PDE1C: variants seen among roughly 807,000 people sequenced by gnomAD.
The protein encoded by PDE1C is dual specificity calcium/calmodulin-dependent 3',5'-cyclic nucleotide phosphodiesterase 1C.
PDE1C carries 62 observed loss-of-function variants against 93.1 expected under a neutral mutation model. The observed-to-expected ratio is 0.67, with a 90% CI of 0.54 to 0.82. The LOEUF is 0.82. Ranked by LOEUF, PDE1C falls within the 40% of genes least tolerant of loss-of-function variation. PDE1C has a pLI of 0.00. For synonymous variants in PDE1C, 325 were observed against 310.1 expected (o/e 1.05, Z -0.50); for missense variants, 742 against 884.6 (o/e 0.84, Z 2.04).
chr7:31,827,396 C>T (rs937255274), intron 12 of PDE1C, among the ~76,000 whole-genome samples: 1 of 152,068 alleles, frequency 6.6e-6, no homozygotes, highest in African/African-American at 2.4e-5. Flanking sequence ...CTGTTGTGTA[C>T]CTTATCGTAC....
the PDE1C span, among the ~76,000 whole-genome samples, chr7:31,633,086 C>T: frequency 2.0e-5 from 3 of 152,122 alleles, no homozygotes; most frequent in Non-Finnish European, 4.4e-5. Flanking sequence ...AGGGTTTCAC[C>T]ATGTTGGCCA....
At chr7:31,834,566 C>T (rs1485647768) in intron 11 of PDE1C, among the ~76,000 whole-genome samples, 1 of 152,064 alleles carries the variant, frequency 6.6e-6, no homozygotes, top group African/African-American at 2.4e-5. Context: ...TAAGATTTGA[C>T]TGCCATGCTG....
At chr7:32,046,180 T>C (rs1450170535) in intron 2 of PDE1C, among the ~76,000 whole-genome samples, 1 of 151,322 alleles carries the variant, frequency 6.6e-6, no homozygotes, top group Non-Finnish European at 1.5e-5. Flanking sequence ...CTTCCTAATG[T>C]CTAGAATATT....
At chr7:32,410,952 G>C (rs1029369250) in intron 1 of PDE1C, among the ~76,000 whole-genome samples, 5 of 152,100 alleles carry the variant, frequency 3.3e-5, no homozygotes, top group Non-Finnish European at 7.4e-5. Context: ...TGAACTATTT[G>C]AGCAAAATTC....
chr7:31,836,437 C>A (rs367722761), intron 11 of PDE1C, among the ~76,000 whole-genome samples: 20 of 152,064 alleles, frequency 1.3e-4, no homozygotes, highest in Non-Finnish European at 2.5e-4. Context: ...TGGGTTCAAG[C>A]GATTCTCCTG....
intron 1 of PDE1C, among the ~76,000 whole-genome samples, chr7:32,396,073 A>C (rs1470586709): frequency 1.3e-5 from 2 of 152,232 alleles, no homozygotes; most frequent in Non-Finnish European, 2.9e-5. Context: ...TTGATACTAA[A>C]GTTTATATGG....
the PDE1C span, among the ~76,000 whole-genome samples, chr7:31,693,767 A>G: frequency 1.3e-5 from 2 of 152,236 alleles, no homozygotes; most frequent in Non-Finnish European, 2.9e-5. Context: ...TTACCTGAAT[A>G]GTTTTTAGTA....
the PDE1C span, among the ~76,000 whole-genome samples, chr7:31,736,840 G>A: frequency 0.066 from 9,983 of 152,166 alleles, 383 homozygotes; most frequent in Non-Finnish European, 0.091. Context: ...TAGGTGGGGA[G>A]GCCGAATCAA....
At chr7:31,641,085 G>C in the PDE1C span, among the ~76,000 whole-genome samples, 1 of 152,136 alleles carries the variant, frequency 6.6e-6, no homozygotes, top group Non-Finnish European at 1.5e-5. Flanking sequence ...CACATGGACC[G>C]TTAAGGCTCT....
At chr7:31,996,286 GC>G (rs1475449274) in intron 2 of PDE1C, among the ~76,000 whole-genome samples, 1 of 142,114 alleles carries the variant, frequency 7.0e-6, no homozygotes, top group East Asian at 2.4e-4. Flanking sequence ...CTCCAGCCCA[GC>G]CCCAAGCTAG....
chr7:32,206,844 T>G (rs2128837803), intron 2 of PDE1C, among the ~76,000 whole-genome samples: 1 of 152,328 alleles, frequency 6.6e-6, no homozygotes, highest in East Asian at 1.9e-4. Context: ...TGTGCCTGCA[T>G]TCACACAGCG....
chr7:32,175,874 T>C (rs55932642), intron 2 of PDE1C, among the ~76,000 whole-genome samples: 18,012 of 152,214 alleles, frequency 0.12, 1,231 homozygotes, highest in Middle Eastern at 0.18. Context: ...TCCATAGAAA[T>C]GTAAATTGTG....
intron 2 of PDE1C, among the ~76,000 whole-genome samples, chr7:31,943,040 A>G (rs1046756187): frequency 4.6e-5 from 7 of 152,168 alleles, no homozygotes; most frequent in Admixed American, 4.6e-4. Context: ...CCAGGACCCC[A>G]GGAGAAAGGA....
the PDE1C span, among the ~76,000 whole-genome samples, chr7:31,665,428 T>C: frequency 6.6e-6 from 1 of 152,210 alleles, no homozygotes; most frequent in Non-Finnish European, 1.5e-5. Context: ...AAGAGAAACT[T>C]GTCTCTCTTC....
intron 2 of PDE1C, among the ~76,000 whole-genome samples, chr7:32,040,607 A>C (rs1791691687): frequency 1.3e-5 from 2 of 152,226 alleles, no homozygotes; most frequent in South Asian, 2.1e-4. Flanking sequence ...GCATTCTGAC[A>C]CAAGAATGTA....
chr7:32,322,813 G>A (rs1414381173), intron 1 of PDE1C, among the ~76,000 whole-genome samples: 1 of 151,948 alleles, frequency 6.6e-6, no homozygotes, highest in African/African-American at 2.4e-5. Flanking sequence ...CGGGGTTTCA[G>A]CATCTTGGCC....
intron 2 of PDE1C, among the ~76,000 whole-genome samples, chr7:31,930,164 A>G (rs546764390): frequency 1.3e-5 from 2 of 152,362 alleles, no homozygotes; most frequent in South Asian, 2.1e-4. Flanking sequence ...AAAATCTAGA[A>G]GAAATGGATA....
At chr7:31,947,823 G>C (rs1285151842) in intron 2 of PDE1C, among the ~76,000 whole-genome samples, 2 of 152,262 alleles carry the variant, frequency 1.3e-5, no homozygotes, top group African/African-American at 4.8e-5. Flanking sequence ...ACAAGATACA[G>C]TGCATCAGTT....
At chr7:31,707,120 C>T in the PDE1C span, 1 of 1,259,770 alleles carries the variant, frequency 7.9e-7, no homozygotes, top group Non-Finnish European at 1.1e-6. Context: ...GGTTGCCATG[C>T]TCCTTTGTAC....
Sources: allele counts gnomAD v4.1 joint callset (sites outside exome capture counted in the v4.1 genomes callset), GRCh38; gene constraint gnomAD v4.1.1; transcripts MANE v1.5; gene names NCBI Gene and HGNC (gene_info 2026-07-23, HGNC 2026-07-21).